ITPR2: variants seen among roughly 807,000 people sequenced by gnomAD.
ITPR2 encodes inositol 1,4,5-trisphosphate receptor type 2.
In ITPR2, 207 loss-of-function variants were observed where a neutral mutation model predicts 317.1. The ratio of observed to expected loss-of-function variants is 0.65; its 90% CI spans 0.58 to 0.73. The LOEUF (loss-of-function observed/expected upper bound fraction) is 0.73. Among genes scored for constraint, ITPR2 ranks in the 30% least tolerant of loss-of-function variants. ITPR2 has a pLI of 0.00. For synonymous variants in ITPR2, 1,156 were observed against 1,149.1 expected, an observed-to-expected ratio of 1.01 and a Z score of -0.12; for missense variants, 2,613 against 3,284.0, an observed-to-expected ratio of 0.80 and a Z score of 4.99.
rs1945545906 is a variant in ITPR2 at position 26,586,989 on chromosome 12, T to TC, written c.4381-6835dup. 2.0e-5 allele frequency among the ~76,000 whole-genome samples: 3 copies of TC among 151,940 alleles called. No homozygotes were observed. The South Asian group carries it at 6.2e-4, about 32-fold the overall frequency. On this transcript the variant is annotated intron_variant, in intron 32 of 56. Coordinates refer to ENST00000381340, the MANE Select transcript of ITPR2 (RefSeq NM_002223.4). The stretch of plus-strand genomic sequence containing the variant: ...AATCCCTGGAAATATCCAATCCCTT[T>TC]CCACTAATAGGTGATAATTTATTAT...
intron 47 of ITPR2, 23 bp downstream of exon 47, chr12:26,439,104 C>A: frequency 6.7e-7 from 1 of 1,482,818 alleles, no homozygotes; most frequent in Non-Finnish European, 9.3e-7. Context: ...ACAAAACTAA[C>A]CATTTCAGTT....
chr12:26,382,054 G>C (rs1045815975), intron 55 of ITPR2, among the ~76,000 whole-genome samples: 5 of 152,096 alleles, frequency 3.3e-5, no homozygotes, highest in African/African-American at 1.2e-4. Context: ...TTGCTTAATG[G>C]GAGAAGCAAA....
chr12:26,642,296 T>C (rs1196627548), intron 21 of ITPR2, among the ~76,000 whole-genome samples: 1 of 152,242 alleles, frequency 6.6e-6, no homozygotes, highest in Non-Finnish European at 1.5e-5. Flanking sequence ...AAAGCTCACA[T>C]GTTGGAAACT....
In ITPR2 at chr12:26,387,435, A is replaced by G; in HGVS notation, c.7856T>C (p.Val2619Ala). 6.2e-7 allele frequency: 1 copy of G among 1,613,430 alleles called. No individual in the cohort carries two copies. The highest frequency in any genetic ancestry group is 8.5e-7 in the Non-Finnish European group (1 of 1,179,628). Residue 2619 changes from valine to alanine, a missense_variant and splice_region_variant, in exon 55 of 57, where the codon GTG becomes GCG. Coordinates refer to ENST00000381340, the MANE Select transcript of ITPR2 (RefSeq NM_002223.4). ...AATTAAAACCTTCTGGTCACTCACC[A>G]CAATCATTTGAGCCACATAACTTTC... ...GPESYVAQMI[V>A]EKNLDWFPRM...
At chr12:26,545,832 G>C (rs1181800354) in intron 37 of ITPR2, among the ~76,000 whole-genome samples, 1 of 152,094 alleles carries the variant, frequency 6.6e-6, no homozygotes, top group Non-Finnish European at 1.5e-5. Context: ...TGTTTCAGAA[G>C]GACCAATGGA....
chr12:26,461,448 T>C (rs1011665691), intron 45 of ITPR2, among the ~76,000 whole-genome samples: 6 of 151,950 alleles, frequency 3.9e-5, no homozygotes, highest in Non-Finnish European at 7.4e-5. Flanking sequence ...TTACATATTG[T>C]CTATGGCTGT....
rs1016913473 is a variant in ITPR2 at position 26,833,098 on chromosome 12, G to GCTC, written c.-320_-318dup. On this transcript the variant is annotated 5_prime_UTR_variant, in exon 1 of 57. Transcript: ENST00000381340. ...CTGAAGTTTTCTCTCCAACACCTTTGCTCCTCCTCCTCCTCCTTCCCTCTC... is the reference window on the plus strand; with the variant it reads ...CTGAAGTTTTCTCTCCAACACCTTTGCTCCTCCTCCTCCTCCTCCTTCCCTCTC... The GCTC allele has an allele frequency of 1.3e-5, 4 of 318,234 alleles. No homozygotes were observed. The Admixed American group carries it at 1.7e-4, about 14-fold the overall frequency. 19.7% of individuals were successfully genotyped at this position (318,234 alleles called of 1,614,324 possible).
chr12:26,667,998 C>G (rs1485491802), intron 13 of ITPR2, among the ~76,000 whole-genome samples: 2 of 152,206 alleles, frequency 1.3e-5, no homozygotes, highest in Non-Finnish European at 2.9e-5. Flanking sequence ...TCTCTTTTGA[C>G]CTCTGAAACT....
At chr12:26,669,775 A>G (rs1947709215) in intron 13 of ITPR2, among the ~76,000 whole-genome samples, 1 of 152,272 alleles carries the variant, frequency 6.6e-6, no homozygotes, top group African/African-American at 2.4e-5. Flanking sequence ...GCAAGGGGTC[A>G]GGGAGTTCCC....
At chr12:26,816,995 C>T (rs113406737) in intron 1 of ITPR2, among the ~76,000 whole-genome samples, 13,130 of 151,606 alleles carry the variant, frequency 0.087, 747 homozygotes, top group Non-Finnish European at 0.13. Context: ...CTGGCTAACA[C>T]GGTGAAACCC....
chr12:26,615,531 A>T (rs1946356428), intron 26 of ITPR2, among the ~76,000 whole-genome samples: 2 of 152,192 alleles, frequency 1.3e-5, no homozygotes, highest in Non-Finnish European at 2.9e-5. Flanking sequence ...ATATAGTAAT[A>T]TATTCACTAA....
At chr12:26,713,301 TG>T (rs1214660661) in intron 8 of ITPR2, among the ~76,000 whole-genome samples, 2 of 152,214 alleles carry the variant, frequency 1.3e-5, no homozygotes, top group Admixed American at 1.3e-4. Context: ...ATGCCCATGC[TG>T]GGTAAGCACA....
chr12:26,619,378 G>C (rs10842760), intron 26 of ITPR2, among the ~76,000 whole-genome samples: 1 of 151,926 alleles, frequency 6.6e-6, no homozygotes, highest in African/African-American at 2.4e-5. Context: ...GAAGAATCCA[G>C]TTTTGTTCGG....
intron 37 of ITPR2, among the ~76,000 whole-genome samples, chr12:26,541,411 T>G (rs1944258215): frequency 6.6e-6 from 1 of 152,188 alleles, no homozygotes; most frequent in South Asian, 2.1e-4. Context: ...ATCACTAATA[T>G]TTGATTTAAA....
intron 55 of ITPR2, among the ~76,000 whole-genome samples, chr12:26,382,439 T>A (rs1454967618): frequency 6.6e-6 from 1 of 152,094 alleles, no homozygotes; most frequent in South Asian, 2.1e-4. Context: ...TCGAAGCAGG[T>A]GGATCACTTG....
chr12:26,716,897 CTTGGAAA>C (rs1455065008), intron 5 of ITPR2, among the ~76,000 whole-genome samples: 1 of 152,074 alleles, frequency 6.6e-6, no homozygotes, highest in African/African-American at 2.4e-5. Flanking sequence ...AAAATTGATT[CTTGGAAA>C]AGTGCTCTAC....
intron 10 of ITPR2, among the ~76,000 whole-genome samples, chr12:26,692,402 T>TG (rs1948258109): frequency 3.3e-5 from 5 of 152,186 alleles, no homozygotes; most frequent in Non-Finnish European, 7.4e-5. Flanking sequence ...TGGCCCAATA[T>TG]GGCCAGAAAT....
chr12:26,715,156 G>T, intron 8 of ITPR2, 143 bp downstream of exon 8: 1 of 685,776 alleles, frequency 1.5e-6, no homozygotes, highest in Non-Finnish European at 2.3e-6. Context: ...TCACAGCAAT[G>T]AATAGGCACA....
intron 37 of ITPR2, chr12:26,495,463 G>C (rs1439651632): frequency 6.2e-6 from 3 of 487,314 alleles, no homozygotes; most frequent in East Asian, 7.2e-5. Context: ...AATAAATAAA[G>C]AGGGTGGGAG....
Sources: gnomAD v4.1 joint callset for allele counts (sites outside exome capture counted in the v4.1 genomes callset) on GRCh38, gnomAD v4.1.1 for gene constraint, MANE v1.5 for transcripts, NCBI Gene and HGNC (gene_info 2026-07-23, HGNC 2026-07-21) for gene names.